The following BMPR1B variants were observed in gnomAD, a reference collection of about 807,000 sequenced individuals.
The protein encoded by BMPR1B is bone morphogenetic protein receptor type 1B.
BMPR1B carries 12 observed loss-of-function variants against 59.1 expected under a neutral mutation model. The ratio of observed to expected loss-of-function variants is 0.20; its 90% CI spans 0.13 to 0.33. The LOEUF (loss-of-function observed/expected upper bound fraction) is 0.33, where lower values mean the gene tolerates loss of function less well. Ranked by LOEUF, BMPR1B falls within the 10% of genes least tolerant of loss-of-function variation. The pLI, the probability that BMPR1B is intolerant of heterozygous loss-of-function variation, is 1.00. For missense variants in BMPR1B, 550 were observed against 610.9 expected, an observed-to-expected ratio of 0.90 and a Z score of 1.05; for synonymous variants, 237 against 207.3, an observed-to-expected ratio of 1.14 and a Z score of -1.23.
At chr4:94,758,177 CGGGTAGCGGCTG>C (rs1721600364) in intron 1 of BMPR1B, 109 bp downstream of exon 1, 1 of 151,094 alleles carries the variant, frequency 6.6e-6, no homozygotes, top group Non-Finnish European at 1.5e-5. Flanking sequence ...CGGCGCGGGA[CGGGTAGCGGCTG>C]GGTGCGGAGC....
intron 1 of BMPR1B, among the ~76,000 whole-genome samples, chr4:94,798,420 A>T (rs943288978): frequency 6.6e-6 from 1 of 152,248 alleles, no homozygotes; most frequent in African/African-American, 2.4e-5. Flanking sequence ...AACATAAAGT[A>T]GCCTGATGTG....
intron 3 of BMPR1B, among the ~76,000 whole-genome samples, chr4:95,000,024 T>G (rs1017300761): frequency 7.2e-5 from 11 of 152,220 alleles, no homozygotes; most frequent in Non-Finnish European, 1.3e-4. Context: ...AATTGTATTT[T>G]ATTTGCCCAT....
chr4:94,918,197 A>AT (rs1449664513), intron 2 of BMPR1B, among the ~76,000 whole-genome samples: 6 of 152,036 alleles, frequency 3.9e-5, no homozygotes, highest in Admixed American at 2.0e-4. Flanking sequence ...TTTCAATTAA[A>AT]TTATGATGGA....
In BMPR1B at chr4:94,797,498, G is replaced by A. The variant is rs532089395; in HGVS notation, c.-183+39430G>A. Among the ~76,000 whole-genome samples the A allele has an allele frequency of 2.6e-4, 39 of 152,256 alleles. No homozygotes were observed. The South Asian group carries it at 7.9e-3, about 31-fold the overall frequency. ...ATTGCGAAGGTGTTGTAGAAAAAAC[G>A]ATTTAACGAAATATTAAATATGACT... On this transcript the variant is annotated intron_variant, in intron 1 of 12. Coordinates refer to ENST00000515059, the MANE Select transcript of BMPR1B (RefSeq NM_001203.3).
intron 2 of BMPR1B, among the ~76,000 whole-genome samples, chr4:94,900,709 A>G (rs943815314): frequency 6.6e-6 from 1 of 152,040 alleles, no homozygotes; most frequent in Non-Finnish European, 1.5e-5. Context: ...GTAGTAAGCA[A>G]TTTGATTACT....
chr4:95,059,435 A>C (rs1463811156), intron 3 of BMPR1B, among the ~76,000 whole-genome samples: 1 of 152,182 alleles, frequency 6.6e-6, no homozygotes, highest in Non-Finnish European at 1.5e-5. Context: ...AATTGGGGGA[A>C]GAGTCTAAAG....
intron 3 of BMPR1B, among the ~76,000 whole-genome samples, chr4:95,081,148 A>G (rs1729108518): frequency 6.6e-6 from 1 of 152,082 alleles, no homozygotes. Flanking sequence ...TGCTGCCACC[A>G]TGTGAAGAAA....
At chr4:95,097,912 T>C (rs1490499505) in intron 3 of BMPR1B, among the ~76,000 whole-genome samples, 1 of 152,214 alleles carries the variant, frequency 6.6e-6, no homozygotes, top group Non-Finnish European at 1.5e-5. Context: ...AAATTACATT[T>C]AATTTTTTTA....
chr4:94,952,136 G>T (rs1465163895), intron 2 of BMPR1B, among the ~76,000 whole-genome samples: 1 of 152,036 alleles, frequency 6.6e-6, no homozygotes, highest in East Asian at 1.9e-4. Context: ...GTGTCTATTT[G>T]ATTCTTCTCT....
At chr4:94,803,941 G>A (rs1244220067) in intron 1 of BMPR1B, among the ~76,000 whole-genome samples, 1 of 152,046 alleles carries the variant, frequency 6.6e-6, no homozygotes, top group Non-Finnish European at 1.5e-5. Context: ...TGCAGTGGTG[G>A]AATCTCGGCT....
intron 2 of BMPR1B, among the ~76,000 whole-genome samples, chr4:94,957,012 A>G (rs1455915107): frequency 3.3e-5 from 5 of 152,214 alleles, no homozygotes; most frequent in African/African-American, 1.2e-4. Context: ...GTAGATTACT[A>G]TGTTGATACA....
chr4:94,970,779 G>A (rs1281346322), intron 2 of BMPR1B, among the ~76,000 whole-genome samples: 1 of 152,020 alleles, frequency 6.6e-6, no homozygotes, highest in Non-Finnish European at 1.5e-5. Context: ...TCATTTCTTT[G>A]TTTTGGGAAC....
chr4:94,992,339 C>A (rs185563453), intron 2 of BMPR1B, among the ~76,000 whole-genome samples: 1 of 152,332 alleles, frequency 6.6e-6, no homozygotes, highest in Admixed American at 6.5e-5. Flanking sequence ...TGTGAGTGCA[C>A]TGTTTAATCC....
At chr4:94,966,788 A>G (rs7658478) in intron 2 of BMPR1B, among the ~76,000 whole-genome samples, 79,339 of 151,924 alleles carry the variant, frequency 0.52, 21,312 homozygotes, top group African/African-American at 0.61. Context: ...CATCAGAGTT[A>G]AAAACCTAAG....
chr4:94,956,234 T>C (rs1730137462), intron 2 of BMPR1B, among the ~76,000 whole-genome samples: 1 of 152,108 alleles, frequency 6.6e-6, no homozygotes, highest in South Asian at 2.1e-4. Flanking sequence ...TTTTTTTTAA[T>C]TTTTAATTAC....
chr4:94,906,097 T>G (rs1728029282), intron 2 of BMPR1B, among the ~76,000 whole-genome samples: 1 of 152,016 alleles, frequency 6.6e-6, no homozygotes. Flanking sequence ...ATTTTTCTTC[T>G]GTGAATAGTG....
Position 94,837,234 on chromosome 4 carries a change from C to T in BMPR1B, c.-182-38597C>T, listed in dbSNP as rs376351381. Among the ~76,000 whole-genome samples the T allele has an allele frequency of 5.1e-4, 75 of 147,922 alleles. 3 individuals carry two copies. The highest frequency in any genetic ancestry group is 6.0e-4 in the African/African-American group (24 of 39,926). On this transcript the variant is annotated intron_variant, in intron 1 of 12. Coordinates refer to ENST00000515059, the MANE Select transcript of BMPR1B (RefSeq NM_001203.3). ...TTCTTTTGGCTTAGGATTGACTTGG[C>T]GATGTGGGCTCTTTTTTGGTTCCAT... is the stretch of plus-strand genomic sequence containing the variant.
At chr4:95,108,306 T>C (rs1190462659) in intron 4 of BMPR1B, among the ~76,000 whole-genome samples, 1 of 151,974 alleles carries the variant, frequency 6.6e-6, no homozygotes, top group Non-Finnish European at 1.5e-5. Context: ...GGTAAAACAG[T>C]TTAAAGGATA....
chr4:94,882,991 T>A (rs957040199), intron 2 of BMPR1B, among the ~76,000 whole-genome samples: 9 of 151,706 alleles, frequency 5.9e-5, no homozygotes, highest in African/African-American at 2.2e-4. Flanking sequence ...TGTGTGTGTG[T>A]GTGTGTGTGT....
Sources: allele counts gnomAD v4.1 joint callset (sites outside exome capture counted in the v4.1 genomes callset), GRCh38; gene constraint gnomAD v4.1.1; transcripts MANE v1.5; gene names NCBI Gene and HGNC (gene_info 2026-07-23, HGNC 2026-07-21).